The following ULK4 variants were observed in gnomAD, a reference collection of about 807,000 sequenced individuals.
The protein encoded by ULK4 is inactive serine/threonine-protein kinase ULK4.
A neutral mutation model predicts 160.6 loss-of-function variants in ULK4; 133 were observed. The observed-to-expected ratio is 0.83, with a 90% CI of 0.72 to 0.96. ULK4 has a LOEUF of 0.96. Among genes scored for constraint, ULK4 ranks in the 40% least tolerant of loss-of-function variants. ULK4 has a pLI of 0.00. For synonymous variants in ULK4, 534 were observed against 539.8 expected (o/e 0.99, Z 0.15); for missense variants, 1,580 against 1,499.5 (o/e 1.05, Z -0.89).
chr3:41,699,131 C>T (rs906803947), intron 27 of ULK4, among the ~76,000 whole-genome samples: 10 of 152,088 alleles, frequency 6.6e-5, no homozygotes, highest in African/African-American at 2.4e-4. Context: ...TGCTGAGTCA[C>T]AGTATATGCA....
At chr3:41,532,962 G>A (rs1383071267) in intron 32 of ULK4, among the ~76,000 whole-genome samples, 1 of 152,170 alleles carries the variant, frequency 6.6e-6, no homozygotes, top group Admixed American at 6.5e-5. Context: ...CCAATAAAAT[G>A]TGATGAAATT....
chr3:41,808,347 A>G (rs2040716790), intron 19 of ULK4, among the ~76,000 whole-genome samples: 1 of 152,174 alleles, frequency 6.6e-6, no homozygotes, highest in Non-Finnish European at 1.5e-5. Flanking sequence ...GTACTAGAAA[A>G]CCACAACTAT....
chr3:41,711,350 G>A (rs533729520), intron 25 of ULK4, among the ~76,000 whole-genome samples: 3 of 152,180 alleles, frequency 2.0e-5, no homozygotes, highest in Non-Finnish European at 4.4e-5. Flanking sequence ...CTGCTGGCTA[G>A]GGGGTGTGAA....
chr3:41,344,752 CAAAAAAAAAA>C (rs59466358), intron 35 of ULK4, among the ~76,000 whole-genome samples: 25 of 62,820 alleles, frequency 4.0e-4, no homozygotes, highest in Non-Finnish European at 5.9e-4. Context: ...GACTCTGTCT[CAAAAAAAAAA>C]AAAAAAAAAA....
intron 21 of ULK4, among the ~76,000 whole-genome samples, chr3:41,789,398 G>A (rs1250449742): frequency 3.3e-5 from 5 of 152,184 alleles, no homozygotes; most frequent in Admixed American, 3.3e-4. Flanking sequence ...CAGCATATAG[G>A]AAGGACTGAG....
At chr3:41,509,537 G>A (rs1351441122) in intron 32 of ULK4, among the ~76,000 whole-genome samples, 1 of 152,174 alleles carries the variant, frequency 6.6e-6, no homozygotes, top group East Asian at 1.9e-4. Context: ...GTTATCTAAA[G>A]TCAGGACAAA....
intron 34 of ULK4, among the ~76,000 whole-genome samples, chr3:41,400,027 G>A (rs1330918898): frequency 6.6e-6 from 1 of 152,054 alleles, no homozygotes; most frequent in Non-Finnish European, 1.5e-5. Context: ...TTTTGCATGT[G>A]AATTAAACTT....
intron 34 of ULK4, among the ~76,000 whole-genome samples, chr3:41,437,985 G>A (rs1054366228): frequency 1.3e-5 from 2 of 152,152 alleles, no homozygotes; most frequent in South Asian, 4.2e-4. Flanking sequence ...TGGGGAACTG[G>A]TGGGAAGAGC....
At chr3:41,388,454 C>T (rs1376761907) in intron 35 of ULK4, among the ~76,000 whole-genome samples, 1 of 151,976 alleles carries the variant, frequency 6.6e-6, no homozygotes, top group Non-Finnish European at 1.5e-5. Context: ...TTGCCCATGC[C>T]TATGTCCTGA....
intron 29 of ULK4, among the ~76,000 whole-genome samples, chr3:41,670,579 G>GTATATACATACACATATACATA (rs1175592587): frequency 1.7e-4 from 26 of 151,784 alleles, no homozygotes; most frequent in East Asian, 1.4e-3. Flanking sequence ...ATGTATATAT[G>GTATATACATACACATATACATA]TATATACATA....
chr3:41,497,712 CAG>C (rs1478011863), intron 32 of ULK4, among the ~76,000 whole-genome samples: 1 of 152,020 alleles, frequency 6.6e-6, no homozygotes, highest in African/African-American at 2.4e-5. Flanking sequence ...AATTGAATAA[CAG>C]AGCTTCAAAA....
intron 32 of ULK4, among the ~76,000 whole-genome samples, chr3:41,553,636 T>G (rs2087164054): frequency 6.6e-6 from 1 of 152,076 alleles, no homozygotes; most frequent in African/African-American, 2.4e-5. Context: ...TTATACACTG[T>G]TGTTAGGAAT....
chr3:41,776,330 A>G lies in ULK4; in HGVS notation c.2193+13331T>C, dbSNP rs961600572. Reference sequence around the variant, plus strand: ...ATTTTTCATATCCTGGATACTAATCATTAAGAAAAGTTTCCCTACAACAAG... The same window carrying G: ...ATTTTTCATATCCTGGATACTAATCGTTAAGAAAAGTTTCCCTACAACAAG... On this transcript the variant is annotated intron_variant, in intron 21 of 36. Transcript: ENST00000301831. 3.3e-5 allele frequency among the ~76,000 whole-genome samples: 5 copies of G among 150,686 alleles called. No individual in the cohort carries two copies. In the East Asian group the frequency reaches 5.8e-4, roughly 17 times the overall value.
At chr3:41,862,765 G>C (rs1311978062) in intron 17 of ULK4, among the ~76,000 whole-genome samples, 1 of 143,276 alleles carries the variant, frequency 7.0e-6, no homozygotes, top group African/African-American at 2.7e-5. Context: ...CAGTCAGTCA[G>C]TCTCTCTCTC....
chr3:41,857,697 T>G (rs1458462547), intron 17 of ULK4, among the ~76,000 whole-genome samples: 2 of 152,190 alleles, frequency 1.3e-5, no homozygotes, highest in African/African-American at 4.8e-5. Context: ...TCTTGGTAGA[T>G]TTTATGTATC....
chr3:41,511,292 G>C (rs376165464), intron 32 of ULK4, among the ~76,000 whole-genome samples: 3 of 151,072 alleles, frequency 2.0e-5, no homozygotes, highest in African/African-American at 7.3e-5. Context: ...ACAAAGATCA[G>C]AGCAAAACTA....
At chr3:41,471,837 C>T (rs1321935710) in intron 32 of ULK4, among the ~76,000 whole-genome samples, 4 of 150,262 alleles carry the variant, frequency 2.7e-5, no homozygotes, top group African/African-American at 9.8e-5. Flanking sequence ...CTAAAACTTA[C>T]AGGATACAGC....
intron 35 of ULK4, among the ~76,000 whole-genome samples, chr3:41,307,619 G>A (rs2079972833): frequency 6.6e-6 from 1 of 152,092 alleles, no homozygotes; most frequent in South Asian, 2.1e-4. Flanking sequence ...TTGAGCTCAG[G>A]AGTTTGAGAC....
intron 17 of ULK4, among the ~76,000 whole-genome samples, chr3:41,841,261 CGCCTCTGCCTGGCCGCCCCGTCTGGG>C (rs2041917793): frequency 3.4e-5 from 5 of 145,892 alleles, no homozygotes; most frequent in South Asian, 2.2e-4. Context: ...AGGTGGGGAG[CGCCTCTGCCTGGCCGCCCCGTCTGGG>C]AAGTGGGCGC....
Sources: allele counts gnomAD v4.1 joint callset (sites outside exome capture counted in the v4.1 genomes callset), GRCh38; gene constraint gnomAD v4.1.1; transcripts MANE v1.5; gene names NCBI Gene and HGNC (gene_info 2026-07-23, HGNC 2026-07-21).